Variants in NPC1 observed in about 807,000 individuals in gnomAD.
NPC1 encodes NPC intracellular cholesterol transporter 1.
NPC1 carries 85 observed loss-of-function variants against 140.4 expected under a neutral mutation model. The observed-to-expected ratio is 0.61, with a 90% CI of 0.51 to 0.72. The LOEUF (loss-of-function observed/expected upper bound fraction) is 0.72. Ranked by LOEUF, NPC1 falls within the 30% of genes least tolerant of loss-of-function variation. The pLI is 0.00. For synonymous variants in NPC1, 656 were observed against 624.8 expected, an observed-to-expected ratio of 1.05 and a Z score of -0.74; for missense variants, 1,504 against 1,623.8, an observed-to-expected ratio of 0.93 and a Z score of 1.27.
At chr18:23,578,927 G>A (rs1371269879) in intron 1 of NPC1, among the ~76,000 whole-genome samples, 1 of 152,180 alleles carries the variant, frequency 6.6e-6, no homozygotes, top group Non-Finnish European at 1.5e-5. Context: ...CTCGGACCCG[G>A]CAGTGTCTCT....
chr18:23,559,263 G>T lies in NPC1; in HGVS notation c.881+968C>A, dbSNP rs890289056. ...AGTAATGGGATGGCTGGGTCAAATG[G>T]TATTTCTAGTTCTAGATGTACTATG... On this transcript the variant is annotated intron_variant, in intron 6 of 24. Transcript: ENST00000269228. Among the ~76,000 whole-genome samples, 2 of 152,102 alleles carry T rather than the reference G, an allele frequency of 1.3e-5. 1 individual carries two copies. Among genetic ancestry groups the T allele is most frequent in the South Asian group, 4.1e-4 (2 of 4,828 alleles).
intron 6 of NPC1, among the ~76,000 whole-genome samples, chr18:23,558,717 GTTTT>G (rs138429491): frequency 1.3e-5 from 2 of 150,122 alleles, no homozygotes; most frequent in African/African-American, 2.4e-5. Flanking sequence ...TGTACTATGA[GTTTT>G]TTTTTTAATT....
downstream of NPC1, among the ~76,000 whole-genome samples, chr18:23,518,025 C>T (rs2058055217): frequency 6.6e-6 from 1 of 152,234 alleles, no homozygotes; most frequent in Non-Finnish European, 1.5e-5. Context: ...GCCAGCATTC[C>T]TGTTTAGACA....
rs2058525249 is a variant in NPC1, at chr18:23,531,958, GGTTT to G, written c.*240_*243del. The G allele has an allele frequency of 1.4e-6, 2 of 1,446,604 alleles. No homozygotes were observed. Among genetic ancestry groups the G allele is most frequent in the Non-Finnish European group, 1.8e-6 (2 of 1,107,642 alleles). 89.6% of individuals were successfully genotyped at this position (1,446,604 alleles called of 1,614,324 possible). ...TCACCTCCTGCTTGCCAAAGAATGA[GGTTT>G]CTTTCCTGAAGAGGCTGGGAGAAGT... On this transcript the variant is annotated 3_prime_UTR_variant, in exon 25 of 25. Transcript: ENST00000269228.
At chr18:23,522,351 G>T (rs1011768177) in exon 2 of NPC1, 2 of 151,490 alleles carry the variant, frequency 1.3e-5, no homozygotes, top group African/African-American at 4.8e-5. Flanking sequence ...TGAATTGGGG[G>T]AAAAAAACTA....
chr18:23,540,131 T>G (rs2058692747), intron 17 of NPC1, 130 bp from the exon 18 acceptor site: 1 of 793,678 alleles, frequency 1.3e-6, no homozygotes, highest in Non-Finnish European at 2.1e-6. Flanking sequence ...GACTCATGAT[T>G]CCTAACACCA....
At chr18:23,520,085 G>T, downstream of NPC1, 1 of 726,792 alleles carries the variant, frequency 1.4e-6, no homozygotes. Context: ...TAGCCTGTAG[G>T]GAGGAAATGC....
At chr18:23,562,245 C>T (rs986991438) in intron 4 of NPC1, among the ~76,000 whole-genome samples, 3 of 150,974 alleles carry the variant, frequency 2.0e-5, no homozygotes, top group Admixed American at 6.6e-5. Context: ...GCCAAGATTG[C>T]GCCACTGCAC....
intron 6 of NPC1, among the ~76,000 whole-genome samples, chr18:23,558,238 C>T (rs1266437898): frequency 1.3e-5 from 2 of 152,162 alleles, no homozygotes; most frequent in African/African-American, 4.8e-5. Context: ...AAAGCATCTT[C>T]CCCCAAGATA....
At chr18:23,529,164 G>GT (rs748155130), downstream of NPC1, 4 of 1,606,456 alleles carry the variant, frequency 2.5e-6, no homozygotes, top group East Asian at 2.2e-5. Context: ...ATAGTTTGTG[G>GT]TTTTTTTCTT....
downstream of NPC1, chr18:23,530,200 A>G (rs757117363): frequency 2.5e-6 from 4 of 1,614,014 alleles, no homozygotes; most frequent in Admixed American, 1.7e-5. Context: ...TATCTTTCCA[A>G]CTGAAGTGGG....
In NPC1 at chr18:23,553,134, A is replaced by T. The variant is rs1166586690; in HGVS notation, c.1554-1407T>A. Among the ~76,000 whole-genome samples the T allele has an allele frequency of 3.9e-5, 6 of 151,970 alleles. No homozygotes were observed. The East Asian group carries it at 9.7e-4, about 25-fold the overall frequency. ...AGGTCCCTGCCACCAGGAGCCTGCCACTCCCTGTACCGCTTCCACACTGGT... is the reference window on the plus strand; with the variant it reads ...AGGTCCCTGCCACCAGGAGCCTGCCTCTCCCTGTACCGCTTCCACACTGGT... On this transcript the variant is annotated intron_variant, in intron 9 of 24. Coordinates refer to ENST00000269228, the MANE Select transcript of NPC1 (RefSeq NM_000271.5).
chr18:23,513,856 T>C (rs1223507536), intron 3 of NPC1, among the ~76,000 whole-genome samples: 2 of 152,248 alleles, frequency 1.3e-5, no homozygotes, highest in African/African-American at 4.8e-5. Context: ...CGGGTCATTG[T>C]GCCTATTTTT....
chr18:23,533,291 G>C (rs938435511), intron 24 of NPC1, 64 bp downstream of exon 24: 2 of 1,453,142 alleles, frequency 1.4e-6, no homozygotes, highest in Admixed American at 3.3e-5. Flanking sequence ...GAATGCCTCA[G>C]GATAGAATTC....
intron 4 of NPC1, among the ~76,000 whole-genome samples, chr18:23,567,929 G>A (rs749244516): frequency 6.6e-6 from 1 of 152,100 alleles, no homozygotes; most frequent in Non-Finnish European, 1.5e-5. Flanking sequence ...GCATTTCGCT[G>A]TCTGCTCTAG....
chr18:23,540,814 TA>T (rs2058703053), intron 16 of NPC1, among the ~76,000 whole-genome samples: 3 of 152,176 alleles, frequency 2.0e-5, no homozygotes, highest in African/African-American at 7.2e-5. Flanking sequence ...AGAGGAAAAA[TA>T]AAAGTTTCTT....
downstream of NPC1, chr18:23,529,603 G>T (rs759845424): frequency 6.3e-7 from 1 of 1,578,076 alleles, no homozygotes; most frequent in South Asian, 1.1e-5. Context: ...CACCTCGTTG[G>T]TATTTGTAAG....
Position 23,586,383 on chromosome 18 carries a change from G to T in NPC1, c.-40C>A. 6.5e-7 allele frequency: 1 copy of T among 1,530,602 alleles called. No homozygotes were observed. The highest frequency in any genetic ancestry group is 8.7e-7 in the Non-Finnish European group (1 of 1,144,972). The allele number at this position is 1,530,602 out of a possible 1,614,324, so 94.8% of individuals were successfully genotyped here. On this transcript the variant is annotated 5_prime_UTR_variant, in exon 1 of 25. Coordinates refer to ENST00000269228, the MANE Select transcript of NPC1 (RefSeq NM_000271.5). The stretch of plus-strand genomic sequence containing the variant: ...AGGCTGCTGACGCCGGCGGCGTTCG[G>T]CTGGTTGGGCTCCCCGGAGGCGGCT...
At chr18:23,532,438 T>C (rs568748382) in intron 24 of NPC1, among the ~76,000 whole-genome samples, 154 bp from the exon 25 acceptor site, 21 of 152,286 alleles carry the variant, frequency 1.4e-4, no homozygotes, top group Non-Finnish European at 2.1e-4. Context: ...CACATCTCTC[T>C]CCCTCTCTTT....
Sources: gnomAD v4.1 joint callset for allele counts (sites outside exome capture counted in the v4.1 genomes callset) on GRCh38, gnomAD v4.1.1 for gene constraint, MANE v1.5 for transcripts, NCBI Gene and HGNC (gene_info 2026-07-23, HGNC 2026-07-21) for gene names.